Variants in BABAM2 observed in about 807,000 individuals in gnomAD.
BABAM2 encodes the protein BRISC and BRCA1-A complex member 2.
A neutral mutation model predicts 54.7 loss-of-function variants in BABAM2; 31 were observed. The ratio of observed to expected loss-of-function variants is 0.57; its 90% CI spans 0.43 to 0.77. The LOEUF (loss-of-function observed/expected upper bound fraction) is 0.77. BABAM2 is among the 30% of genes least tolerant of loss of function. The pLI is 0.00. For missense variants in BABAM2, 364 were observed against 455.8 expected (o/e 0.80, Z 1.83); for synonymous variants, 167 against 162.9 (o/e 1.03, Z -0.19).
intron 6 of BABAM2, among the ~76,000 whole-genome samples, chr2:28,117,704 A>AG (rs2148743010): frequency 6.6e-6 from 1 of 152,320 alleles, no homozygotes; most frequent in South Asian, 2.1e-4. Flanking sequence ...TCTTGAAGAA[A>AG]GGACCAGCCT....
intron 6 of BABAM2, among the ~76,000 whole-genome samples, chr2:28,084,715 T>G (rs1665490657): frequency 6.6e-6 from 1 of 152,012 alleles, no homozygotes; most frequent in Admixed American, 6.6e-5. Context: ...GGGAGCCAAG[T>G]GTAGACTCTG....
chr2:27,965,252 G>T (rs1303147481), intron 3 of BABAM2, among the ~76,000 whole-genome samples: 3 of 151,964 alleles, frequency 2.0e-5, no homozygotes, highest in African/African-American at 7.2e-5. Flanking sequence ...TTATTTCAAC[G>T]TAAATTATAT....
intron 7 of BABAM2, among the ~76,000 whole-genome samples, chr2:28,198,945 T>C (rs1230906058): frequency 6.6e-6 from 1 of 152,128 alleles, no homozygotes; most frequent in Non-Finnish European, 1.5e-5. Context: ...CTAAAGCAGG[T>C]CCACTCTGAA....
intron 7 of BABAM2, among the ~76,000 whole-genome samples, chr2:28,217,104 T>C (rs1218411490): frequency 1.3e-5 from 2 of 152,120 alleles, no homozygotes; most frequent in African/African-American, 4.8e-5. Flanking sequence ...TTTGACATTA[T>C]GATATTTCTG....
chr2:28,130,133 T>A (rs1669897144), intron 7 of BABAM2, among the ~76,000 whole-genome samples: 1 of 152,194 alleles, frequency 6.6e-6, no homozygotes. Context: ...AGAGAGAGTT[T>A]TTACAGACTC....
At chr2:27,949,612 A>G (rs1241894815) in intron 3 of BABAM2, among the ~76,000 whole-genome samples, 1 of 152,162 alleles carries the variant, frequency 6.6e-6, no homozygotes, top group Non-Finnish European at 1.5e-5. Context: ...TGAAGGTCAG[A>G]TAATTGCTGA....
At chr2:27,941,657 C>T (rs1406261095) in intron 3 of BABAM2, among the ~76,000 whole-genome samples, 1 of 151,578 alleles carries the variant, frequency 6.6e-6, no homozygotes, top group African/African-American at 2.4e-5. Flanking sequence ...CAAGAAATAC[C>T]CAAAGGTTTT....
chr2:28,102,057 A>G (rs1667128937), intron 6 of BABAM2, among the ~76,000 whole-genome samples: 1 of 152,218 alleles, frequency 6.6e-6, no homozygotes, highest in African/African-American at 2.4e-5. Flanking sequence ...TTTGAAGGCT[A>G]TTTATGAATT....
chr2:28,062,073 C>A (rs1418474184), intron 6 of BABAM2, among the ~76,000 whole-genome samples: 1 of 152,034 alleles, frequency 6.6e-6, no homozygotes, highest in African/African-American at 2.4e-5. Flanking sequence ...GCCTGGCCAA[C>A]GTGGCAAAAC....
At chr2:28,038,228 A>G (rs1365117745) in intron 5 of BABAM2, among the ~76,000 whole-genome samples, 1 of 151,962 alleles carries the variant, frequency 6.6e-6, no homozygotes, top group African/African-American at 2.4e-5. Context: ...GCCTGGTGTT[A>G]TTTATTTTTC....
At chr2:28,014,306 A>G (rs911946232) in intron 4 of BABAM2, among the ~76,000 whole-genome samples, 1 of 152,136 alleles carries the variant, frequency 6.6e-6, no homozygotes, top group African/African-American at 2.4e-5. Flanking sequence ...ACAAACAAAA[A>G]CCAGAACAAC....
chr2:28,119,396 A>G (rs1398338012), intron 6 of BABAM2, among the ~76,000 whole-genome samples: 4 of 152,016 alleles, frequency 2.6e-5, no homozygotes, highest in Non-Finnish European at 1.5e-5. Context: ...CCCTCACCCA[A>G]CCTCTCTGGC....
In BABAM2 at chr2:28,103,589, G is replaced by A. The variant is rs138283236; in HGVS notation, c.571-25682G>A. 2.4e-3 allele frequency among the ~76,000 whole-genome samples: 361 copies of A among 152,284 alleles called. 1 individual carries two copies. The highest frequency in any genetic ancestry group is 8.2e-3 in the African/African-American group (341 of 41,558). On this transcript the variant is annotated intron_variant, in intron 6 of 11. Coordinates refer to ENST00000379624, the MANE Select transcript of BABAM2 (RefSeq NM_199191.3). Reference sequence around the variant, plus strand: ...CTCCCAAAGTGTTGGGATGACAGGCGTGAGCCACTGCACCTGGCATAAAGT... The same window carrying A: ...CTCCCAAAGTGTTGGGATGACAGGCATGAGCCACTGCACCTGGCATAAAGT...
intron 2 of BABAM2, among the ~76,000 whole-genome samples, chr2:27,908,046 G>C (rs1666312427): frequency 6.6e-6 from 1 of 152,122 alleles, no homozygotes; most frequent in South Asian, 2.1e-4. Context: ...AAGTAGAATT[G>C]CTAGATCATA....
rs185109878 is a variant in BABAM2 at position 27,944,217 on chromosome 2, C to T, written c.205+14309C>T. Among the ~76,000 whole-genome samples, 320 of 152,210 alleles carry T rather than the reference C, an allele frequency of 2.1e-3. 1 individual carries two copies. The highest frequency in any genetic ancestry group is 7.3e-3 in the African/African-American group (303 of 41,516). ...GAATTTATATCCCACTCTTTAATATCAATTTTATTGAGGTAGTGTAATTTA... is the reference window on the plus strand; with the variant it reads ...GAATTTATATCCCACTCTTTAATATTAATTTTATTGAGGTAGTGTAATTTA... On this transcript the variant is annotated intron_variant, in intron 3 of 11. Transcript: ENST00000379624.
chr2:27,994,425 G>A (rs1310438703), intron 4 of BABAM2, among the ~76,000 whole-genome samples: 1 of 152,152 alleles, frequency 6.6e-6, no homozygotes, highest in Non-Finnish European at 1.5e-5. Flanking sequence ...CCTAGATCAA[G>A]AAATGATATT....
intron 7 of BABAM2, among the ~76,000 whole-genome samples, chr2:28,130,374 T>C (rs1669920227): frequency 1.3e-5 from 2 of 152,178 alleles, no homozygotes; most frequent in African/African-American, 4.8e-5. Context: ...ACATCAATAA[T>C]CTATAGGCAT....
rs971755248 is a variant in BABAM2, at chr2:28,237,316, C to G, written c.780+15C>G. On this transcript the variant is annotated intron_variant, in intron 8 of 11. Transcript: ENST00000379624. The stretch of plus-strand genomic sequence containing the variant: ...TCACCAACAAGGTAAAAGCAAGTCC[C>G]CAACTCATCCCTCTTATGAGATTTC... The G allele has an allele frequency of 1.9e-6, 3 of 1,590,494 alleles. No individual in the cohort carries two copies. In the African/African-American group the frequency reaches 4.0e-5, roughly 21 times the overall value.
In BABAM2 at chr2:28,279,362, C is replaced by T. The variant is rs138734759; in HGVS notation, c.935-18976C>T. ...AAAGCAGGGCCATCCATCTTGTGAG[C>T]TGCTTTTTGTTATCTCCACTTTGAT... On this transcript the variant is annotated intron_variant, in intron 10 of 11. Coordinates refer to ENST00000379624, the MANE Select transcript of BABAM2 (RefSeq NM_199191.3). 6.2e-4 allele frequency among the ~76,000 whole-genome samples: 95 copies of T among 152,286 alleles called. 2 individuals carry two copies. The East Asian group carries it at 0.016, about 26-fold the overall frequency.
Sources: allele counts gnomAD v4.1 joint callset (sites outside exome capture counted in the v4.1 genomes callset), GRCh38; gene constraint gnomAD v4.1.1; transcripts MANE v1.5; gene names NCBI Gene and HGNC (gene_info 2026-07-23, HGNC 2026-07-21).